GTF3C5: variants seen among roughly 807,000 people sequenced by gnomAD.
The protein encoded by GTF3C5 is general transcription factor 3C polypeptide 5.
GTF3C5 carries 47 observed loss-of-function variants against 61.0 expected under a neutral mutation model. That is an observed-to-expected ratio of 0.77 (90% CI 0.61 to 0.98). The LOEUF (loss-of-function observed/expected upper bound fraction) is 0.98. GTF3C5 is among the 50% of genes least tolerant of loss of function. The pLI, the probability that GTF3C5 is intolerant of heterozygous loss-of-function variation, is 0.00. For synonymous variants in GTF3C5, 295 were observed against 275.4 expected, an observed-to-expected ratio of 1.07 and a Z score of -0.71; for missense variants, 659 against 703.3, an observed-to-expected ratio of 0.94 and a Z score of 0.71.
At chr9:133,039,407 AT>A (rs1176225682) in intron 1 of GTF3C5, among the ~76,000 whole-genome samples, 1 of 151,546 alleles carries the variant, frequency 6.6e-6, no homozygotes, top group Non-Finnish European at 1.5e-5. Context: ...CTTTATTTTT[AT>A]TTTTTTATTT....
intron 8 of GTF3C5, chr9:133,055,374 G>A (rs760896017): frequency 5.3e-6 from 7 of 1,312,902 alleles, no homozygotes; most frequent in South Asian, 1.2e-5. Flanking sequence ...AGAGATGAGT[G>A]CAGCAGAGAC....
At chr9:133,039,292 AC>A (rs1382567210) in intron 1 of GTF3C5, among the ~76,000 whole-genome samples, 5 of 152,240 alleles carry the variant, frequency 3.3e-5, no homozygotes, top group Non-Finnish European at 7.3e-5. Flanking sequence ...TACATATAAA[AC>A]ATTTAAGAAA....
intron 3 of GTF3C5, among the ~76,000 whole-genome samples, chr9:133,049,505 T>C (rs1312171792): frequency 6.6e-6 from 1 of 152,194 alleles, no homozygotes; most frequent in Non-Finnish European, 1.5e-5. Flanking sequence ...TAAAAGGTAA[T>C]GATCACCCGA....
At chr9:133,032,100 G>A (rs1327222866) in intron 1 of GTF3C5, among the ~76,000 whole-genome samples, 2 of 151,932 alleles carry the variant, frequency 1.3e-5, no homozygotes, top group Non-Finnish European at 2.9e-5. Context: ...GAAGGTAAAA[G>A]GCTAAAATCT....
chr9:133,057,757 TG>T, intron 10 of GTF3C5, 56 bp from the exon 11 acceptor site: 1 of 1,503,142 alleles, frequency 6.7e-7, no homozygotes, highest in Non-Finnish European at 8.9e-7. Flanking sequence ...GTGGCCTTTC[TG>T]GGGCCACCCG....
At chr9:133,046,460 G>A (rs1268573015) in intron 3 of GTF3C5, among the ~76,000 whole-genome samples, 2 of 152,210 alleles carry the variant, frequency 1.3e-5, no homozygotes, top group Admixed American at 1.3e-4. Context: ...AGAAATAAAT[G>A]GTGGTGTGAT....
intron 3 of GTF3C5, among the ~76,000 whole-genome samples, chr9:133,048,530 G>A (rs746817178): frequency 4.6e-5 from 7 of 152,192 alleles, no homozygotes; most frequent in Non-Finnish European, 8.8e-5. Flanking sequence ...TTAGCCGGGC[G>A]TGGTGGCGCA....
chr9:133,058,423 C>G lies in GTF3C5; in HGVS notation c.*443C>G. 1 of 162,444 alleles carries G rather than the reference C, an allele frequency of 6.2e-6. No individual in the cohort carries two copies. Among genetic ancestry groups the G allele is most frequent in the Non-Finnish European group, 1.4e-5 (1 of 73,134 alleles). 10.1% of individuals were successfully genotyped at this position (162,444 alleles called of 1,614,324 possible). A position where few individuals can be genotyped will look rare whatever the true frequency, so the allele number is the denominator to read the frequency against. On this transcript the variant is annotated 3_prime_UTR_variant, in exon 11 of 11. Coordinates refer to ENST00000372097, the MANE Select transcript of GTF3C5 (RefSeq NM_012087.4). The stretch of plus-strand genomic sequence containing the variant: ...CACGTGGCAAGAAGTGCCTTTAGCT[C>G]TGGATCCCAACCGTTTGGCACAGCT...
intron 9 of GTF3C5, among the ~76,000 whole-genome samples, chr9:133,056,324 G>T (rs1829938019): frequency 6.6e-6 from 1 of 152,204 alleles, no homozygotes; most frequent in South Asian, 2.1e-4. Flanking sequence ...TTACTGTTAT[G>T]TCCTTGCTCC....
At chr9:133,051,442 A>T (rs1470386190) in intron 4 of GTF3C5, among the ~76,000 whole-genome samples, 2 of 151,888 alleles carry the variant, frequency 1.3e-5, no homozygotes, top group Admixed American at 1.3e-4. Flanking sequence ...GGCCACTGCC[A>T]CCTGGAGCCC....
intron 3 of GTF3C5, among the ~76,000 whole-genome samples, chr9:133,049,640 T>G (rs945195761): frequency 1.1e-4 from 17 of 152,188 alleles, no homozygotes; most frequent in African/African-American, 3.6e-4. Flanking sequence ...GCCTGCCTGC[T>G]TTTGTGTCAG....
At position 133,052,169 on chromosome 9, in the gene GTF3C5, G is replaced by A; in HGVS notation, c.873+5G>A. 6.7e-7 allele frequency: 1 copy of A among 1,498,258 alleles called. No individual in the cohort carries two copies. 92.8% of individuals were successfully genotyped at this position (1,498,258 alleles called of 1,614,324 possible). A position where few individuals can be genotyped will look rare whatever the true frequency, so the allele number is the denominator to read the frequency against. On this transcript the variant is annotated splice_donor_5th_base_variant and intron_variant, in intron 5 of 10. Transcript: ENST00000372097. ...CCCTTCATAGCCTATTACATGGTAA[G>A]TGTCAGCTGCCCACCCACCTGCCTT... is the stretch of plus-strand genomic sequence containing the variant.
intron 2 of GTF3C5, among the ~76,000 whole-genome samples, chr9:133,042,962 G>C (rs1458443819): frequency 6.6e-6 from 1 of 152,228 alleles, no homozygotes; most frequent in African/African-American, 2.4e-5. Flanking sequence ...GGGAGGCAAT[G>C]CTTGTGAATG....
rs1206961315 is a variant in GTF3C5 at position 133,031,103 on chromosome 9, G to C, written c.92G>C (p.Gly31Ala). The C allele has an allele frequency of 6.2e-7, 1 of 1,606,816 alleles. No homozygotes were observed. The highest frequency in any genetic ancestry group is 8.5e-7 in the Non-Finnish European group (1 of 1,176,040). Residue 31 changes from glycine to alanine, a missense_variant, in exon 1 of 11, where the codon GGA becomes GCA. Coordinates refer to ENST00000372097, the MANE Select transcript of GTF3C5 (RefSeq NM_012087.4). ...CGCATGGTGTGCGTGGAGTACCCGG[G>C]AGTGGTGCGTGATGTGGCTAAGATG... ...ERRMVCVEYP[G>A]VVRDVAKMLP...
At position 133,044,696 on chromosome 9, in the gene GTF3C5, C is replaced by T. The variant is rs967380937; in HGVS notation, c.572+770C>T. Among the ~76,000 whole-genome samples, 5 of 152,326 alleles carry T rather than the reference C, an allele frequency of 3.3e-5. No homozygotes were observed. In the East Asian group the frequency reaches 5.8e-4, roughly 18 times the overall value. On this transcript the variant is annotated intron_variant, in intron 3 of 10. Coordinates refer to ENST00000372097, the MANE Select transcript of GTF3C5 (RefSeq NM_012087.4). ...TCAGAGAACCCCTGACCCTGCCCAT[C>T]GCCCAGTGCCATCCTTCTCAAGGCA...
intron 3 of GTF3C5, 160 bp downstream of exon 3, chr9:133,044,086 A>T (rs566783618): frequency 1.2e-4 from 52 of 449,120 alleles, no homozygotes; most frequent in South Asian, 1.1e-3. Context: ...CGGAGGTTGC[A>T]GTGAGCCAAG....
chr9:133,042,408 G>T (rs1850065732), intron 2 of GTF3C5, 102 bp downstream of exon 2: 3 of 797,600 alleles, frequency 3.8e-6, no homozygotes, highest in Non-Finnish European at 6.3e-6. Flanking sequence ...GAGGGGGCCA[G>T]GATATGCCCA....
intron 9 of GTF3C5, 139 bp from the exon 10 acceptor site, chr9:133,056,627 C>T: frequency 1.4e-6 from 1 of 733,854 alleles, no homozygotes. Flanking sequence ...CTTGTGTTTC[C>T]AGTTCCTCTC....
At position 133,057,893 on chromosome 9, in the gene GTF3C5, GGAGGAGGAGGAA is replaced by G. The variant is rs762898069; in HGVS notation, c.1485_1496del (p.Glu496_Glu499del). The G allele has an allele frequency of 1.8e-5, 29 of 1,605,020 alleles. No individual in the cohort carries two copies. Among genetic ancestry groups the G allele is most frequent in the African/African-American group, 2.7e-5 (2 of 74,654 alleles). On this transcript the variant is annotated inframe_deletion, in exon 11 of 11. Coordinates refer to ENST00000372097, the MANE Select transcript of GTF3C5 (RefSeq NM_012087.4). ...AGTCTGGGGAAGACGAGGAGGATGA[GGAGGAGGAGGAA>G]GAGGAGGAGGAGGACTTCAAGCCAT...
Sources: allele counts gnomAD v4.1 joint callset (sites outside exome capture counted in the v4.1 genomes callset), GRCh38; gene constraint gnomAD v4.1.1; transcripts MANE v1.5; gene names NCBI Gene and HGNC (gene_info 2026-07-23, HGNC 2026-07-21).